RTL4: variants seen among roughly 807,000 people sequenced by gnomAD.
RTL4 encodes retrotransposon Gag-like protein 4.
RTL4 carries 4 observed loss-of-function variants against 5.3 expected under a neutral mutation model. The observed-to-expected ratio is 0.75, with a 90% CI of 0.37 to 1.72. RTL4 has a LOEUF of 1.72. Ranked by LOEUF, RTL4 falls within the 40% of genes most tolerant of loss-of-function variation. The pLI, the probability that RTL4 is intolerant of heterozygous loss-of-function variation, is 0.04. For synonymous variants in RTL4, 98 were observed against 87.3 expected (o/e 1.12, Z -0.68); for missense variants, 260 against 227.1 (o/e 1.14, Z -0.93).
chrX:112,310,683 T>C, the RTL4 span, among the ~76,000 whole-genome samples: 1 of 69,564 alleles, frequency 1.4e-5, no homozygotes, highest in Non-Finnish European at 2.4e-5. Flanking sequence ...TTATATATTA[T>C]ATATTTATAT....
chrX:112,385,260 C>T, the RTL4 span, among the ~76,000 whole-genome samples: 1 of 110,046 alleles, frequency 9.1e-6, no homozygotes, highest in Admixed American at 9.7e-5. Context: ...TTGAAGAAAC[C>T]TTGTCTAACC....
the RTL4 span, chrX:112,382,259 G>A: frequency 2.1e-6 from 2 of 966,914 alleles, no homozygotes; most frequent in Non-Finnish European, 1.4e-6. Flanking sequence ...AAGAACTGGA[G>A]CAAGTACTCT....
chrX:112,313,639 A>ACTCT, the RTL4 span, among the ~76,000 whole-genome samples: 3 of 106,981 alleles, frequency 2.8e-5, no homozygotes, highest in Admixed American at 1.0e-4. Context: ...TCTCTCACTC[A>ACTCT]CTCTCTCTCT....
chrX:112,148,986 T>TTAGGTA, the RTL4 span, among the ~76,000 whole-genome samples: 2 of 111,668 alleles, frequency 1.8e-5, no homozygotes, highest in Non-Finnish European at 3.8e-5. Flanking sequence ...GAAGGCAGTC[T>TTAGGTA]CCTATCCCTC....
chrX:112,175,107 G>T, the RTL4 span, among the ~76,000 whole-genome samples: 2 of 106,478 alleles, frequency 1.9e-5, no homozygotes, highest in East Asian at 3.0e-4. Flanking sequence ...GTCAATTTTG[G>T]CTTTTGTTGC....
the RTL4 span, among the ~76,000 whole-genome samples, chrX:112,212,937 C>A: frequency 8.9e-6 from 1 of 112,159 alleles, no homozygotes; most frequent in African/African-American, 3.2e-5. Context: ...CTGACTGCCA[C>A]CCCCGCCCCA....
At chrX:112,239,800 C>T in the RTL4 span, among the ~76,000 whole-genome samples, 1 of 111,702 alleles carries the variant, frequency 9.0e-6, no homozygotes. Flanking sequence ...AACTGAATAA[C>T]CATTTCCGCC....
chrX:112,113,187 A>T, the RTL4 span, among the ~76,000 whole-genome samples: 1 of 110,540 alleles, frequency 9.0e-6, no homozygotes, highest in Non-Finnish European at 1.9e-5. Flanking sequence ...TTTTAGCCTG[A>T]TTTAGACTGG....
At chrX:112,198,693 C>T in the RTL4 span, among the ~76,000 whole-genome samples, 39 of 111,411 alleles carry the variant, frequency 3.5e-4, no homozygotes, top group African/African-American at 9.5e-4. Flanking sequence ...ATCTCCCCAT[C>T]GATCTATTTA....
At chrX:112,375,563 C>CT in the RTL4 span, among the ~76,000 whole-genome samples, 1 of 111,228 alleles carries the variant, frequency 9.0e-6, no homozygotes, top group African/African-American at 3.3e-5. Flanking sequence ...TCTGTTAGCA[C>CT]TAAACTTTGT....
the RTL4 span, among the ~76,000 whole-genome samples, chrX:112,366,950 G>C: frequency 1.8e-5 from 2 of 111,462 alleles, no homozygotes; most frequent in Admixed American, 9.6e-5. Context: ...TGGGCTCTCT[G>C]CTACAGGGAT....
chrX:112,414,979 C>T, the RTL4 span, among the ~76,000 whole-genome samples: 1 of 111,650 alleles, frequency 9.0e-6, no homozygotes, highest in African/African-American at 3.2e-5. Flanking sequence ...TTATATACAT[C>T]ATTATGCTAT....
chrX:112,235,805 G>C, the RTL4 span, among the ~76,000 whole-genome samples: 1 of 111,648 alleles, frequency 9.0e-6, no homozygotes, highest in Non-Finnish European at 1.9e-5. Context: ...GATTCTGACT[G>C]TTCCCATTCT....
the RTL4 span, among the ~76,000 whole-genome samples, chrX:112,122,325 A>C: frequency 9.0e-6 from 1 of 111,553 alleles, no homozygotes; most frequent in Admixed American, 9.6e-5. Flanking sequence ...GAAGTAAGCC[A>C]GGCACAGAAA....
chrX:112,379,304 G>C, the RTL4 span, among the ~76,000 whole-genome samples: 1 of 111,890 alleles, frequency 8.9e-6, no homozygotes, highest in Non-Finnish European at 1.9e-5. Flanking sequence ...GTATTGTGTT[G>C]AAACCCTAAT....
chrX:112,387,964 A>T, the RTL4 span, among the ~76,000 whole-genome samples: 3 of 112,115 alleles, frequency 2.7e-5, no homozygotes, highest in Non-Finnish European at 5.6e-5. Flanking sequence ...GAAGAATGTC[A>T]TTAGTAGTTT....
the RTL4 span, among the ~76,000 whole-genome samples, chrX:112,097,451 C>T: frequency 9.0e-6 from 1 of 110,743 alleles, no homozygotes. Context: ...TCCTGGGCAA[C>T]ATTGCAAAGC....
chrX:112,240,842 C>T, the RTL4 span, among the ~76,000 whole-genome samples: 4 of 110,328 alleles, frequency 3.6e-5, no homozygotes, highest in Admixed American at 1.9e-4. Flanking sequence ...CGACAGACCC[C>T]GTTGTGTGAT....
the RTL4 span, among the ~76,000 whole-genome samples, chrX:112,217,062 C>G: frequency 8.9e-6 from 1 of 111,749 alleles, no homozygotes; most frequent in East Asian, 2.8e-4. Context: ...GAGGTTAGCA[C>G]TGGTTGATGC....
Sources: gnomAD v4.1 joint callset for allele counts (sites outside exome capture counted in the v4.1 genomes callset) on GRCh38, gnomAD v4.1.1 for gene constraint, MANE v1.5 for transcripts, NCBI Gene and HGNC (gene_info 2026-07-23, HGNC 2026-07-21) for gene names.